TTC7A: variants seen among roughly 807,000 people sequenced by gnomAD.
TTC7A encodes the protein tetratricopeptide repeat protein 7A.
A neutral mutation model predicts 103.7 loss-of-function variants in TTC7A; 110 were observed. The ratio of observed to expected loss-of-function variants is 1.06; its 90% CI spans 0.91 to 1.24. The LOEUF (loss-of-function observed/expected upper bound fraction) is 1.24. Among genes scored for constraint, TTC7A ranks in the 50% most tolerant of loss-of-function variants. The pLI, the probability that TTC7A is intolerant of heterozygous loss-of-function variation, is 0.00. For missense variants in TTC7A, 1,340 were observed against 1,116.3 expected, an observed-to-expected ratio of 1.20 and a Z score of -2.86; for synonymous variants, 521 against 467.9, an observed-to-expected ratio of 1.11 and a Z score of -1.47.
intron 3 of TTC7A, among the ~76,000 whole-genome samples, chr2:46,959,988 T>A (rs1249303912): frequency 2.0e-5 from 3 of 152,112 alleles, no homozygotes; most frequent in African/African-American, 7.2e-5. Flanking sequence ...GATAGAAAAA[T>A]AAGACAACTT....
intron 19 of TTC7A, among the ~76,000 whole-genome samples, chr2:47,068,876 AAAAAAAAAAAAG>A (rs1442226376): frequency 5.3e-5 from 6 of 113,168 alleles, no homozygotes; most frequent in African/African-American, 2.2e-4. Context: ...AAAAAAAAAA[AAAAAAAAAAAAG>A]AAAGACTCAC....
chr2:47,023,485 C>T lies in TTC7A; in HGVS notation c.1568+20C>T, dbSNP rs201570191. ...GGAGAGGTGAGGAGGCTCCCACCTG[C>T]AGCAGAGGCCCCTCTTGCCTTTGGT... On this transcript the variant is annotated intron_variant, in intron 13 of 19. Transcript: ENST00000319190. 8 of 1,613,464 alleles carry T rather than the reference C, an allele frequency of 5.0e-6. No individual in the cohort carries two copies. Among genetic ancestry groups the T allele is most frequent in the Non-Finnish European group, 6.8e-6 (8 of 1,179,444 alleles).
intron 2 of TTC7A, among the ~76,000 whole-genome samples, chr2:46,926,425 A>G (rs763284918): frequency 7.2e-5 from 11 of 152,194 alleles, no homozygotes; most frequent in Admixed American, 6.5e-4. Flanking sequence ...CCAGGTCGCC[A>G]TGGGAGCACA....
At chr2:47,002,932 C>G (rs1442416547) in intron 8 of TTC7A, among the ~76,000 whole-genome samples, 1 of 152,166 alleles carries the variant, frequency 6.6e-6, no homozygotes, top group Non-Finnish European at 1.5e-5. Context: ...CCCCAGGGAG[C>G]CTTCCTGGCT....
chr2:46,963,010 A>G (rs912089561), intron 3 of TTC7A, among the ~76,000 whole-genome samples: 3 of 152,236 alleles, frequency 2.0e-5, no homozygotes, highest in Non-Finnish European at 4.4e-5. Context: ...CCATGGATCT[A>G]GATCCAGGCC....
At chr2:46,994,219 T>G in intron 6 of TTC7A, 138 bp from the exon 7 acceptor site, 2 of 972,330 alleles carry the variant, frequency 2.1e-6, no homozygotes, top group South Asian at 1.7e-5. Flanking sequence ...TCCTTGGGAG[T>G]GGGGTTGGGG....
intron 8 of TTC7A, among the ~76,000 whole-genome samples, chr2:47,005,688 C>T (rs1457001010): frequency 6.6e-6 from 1 of 152,164 alleles, no homozygotes; most frequent in African/African-American, 2.4e-5. Context: ...AGAAGCTTGA[C>T]CCCTCAGAAC....
At position 47,051,849 on chromosome 2, in the gene TTC7A, G is replaced by T. The variant is rs1303581228; in HGVS notation, c.2121G>T (p.Trp707Cys). Residue 707 changes from tryptophan (W) to cysteine (C), a missense_variant, in exon 18 of 20, where the codon TGG becomes TGT. By Grantham distance (215) the Trp-to-Cys change is radical (BLOSUM62 -2). Coordinates refer to ENST00000319190, the MANE Select transcript of TTC7A (RefSeq NM_020458.4). Reference protein sequence around the residue: ...SVLKQGPMQLWTTLEQIWLQA... With the variant: ...SVLKQGPMQLCTTLEQIWLQA... Reference sequence around the variant, plus strand: ...TGAAGCAGGGCCCCATGCAGCTGTGGACCACGCTGGAACAGATCTGGCTGC... The same window carrying T: ...TGAAGCAGGGCCCCATGCAGCTGTGTACCACGCTGGAACAGATCTGGCTGC... 6.2e-7 allele frequency: 1 copy of T among 1,611,942 alleles called. No individual in the cohort carries two copies. Among genetic ancestry groups the T allele is most frequent in the African/African-American group, 1.3e-5 (1 of 75,000 alleles).
intron 5 of TTC7A, among the ~76,000 whole-genome samples, chr2:46,987,946 A>T (rs1039727497): frequency 3.9e-5 from 6 of 152,090 alleles, no homozygotes; most frequent in South Asian, 2.1e-4. Flanking sequence ...GAGGGGTTCC[A>T]TCAGTAATTT....
chr2:47,049,295 T>C (rs963303124), intron 16 of TTC7A, among the ~76,000 whole-genome samples: 1 of 152,148 alleles, frequency 6.6e-6, no homozygotes, highest in Non-Finnish European at 1.5e-5. Context: ...GGGCTTAAGC[T>C]GGAGGCTATT....
intron 5 of TTC7A, among the ~76,000 whole-genome samples, chr2:46,986,889 A>G (rs1482351160): frequency 6.6e-6 from 1 of 152,126 alleles, no homozygotes; most frequent in Non-Finnish European, 1.5e-5. Context: ...CTTTCCTTGG[A>G]GCTTCAGGAA....
At chr2:47,041,653 T>C (rs1049091969) in intron 15 of TTC7A, among the ~76,000 whole-genome samples, 3 of 151,174 alleles carry the variant, frequency 2.0e-5, no homozygotes, top group Non-Finnish European at 4.4e-5. Context: ...CTCAGGAGGC[T>C]GAGGCAGGAG....
Position 46,956,901 on chromosome 2 carries a change from C to G in TTC7A, c.411C>G (p.Tyr137Ter). The G allele has an allele frequency of 6.2e-7, 1 of 1,614,212 alleles. No homozygotes were observed. The highest frequency in any genetic ancestry group is 1.1e-5 in the South Asian group (1 of 91,084). Residue 137 changes from tyrosine (Y) to a stop codon, truncating the protein, a stop_gained, in exon 3 of 20, where the codon TAC (tyrosine) becomes TAG (stop). Transcript: ENST00000319190. LOFTEE classifies it high-confidence loss of function. ...AACTGCATTACGTGGAGGGCTCATA[C>G]CGAGATGCCATCAGCATGTACGCAC... ...LGKLHYVEGS[Y>*]RDAISMYARA...
At chr2:46,995,267 A>G (rs1572850274) in intron 8 of TTC7A, 68 bp downstream of exon 8, 1 of 1,527,804 alleles carries the variant, frequency 6.5e-7, no homozygotes, top group South Asian at 1.1e-5. Flanking sequence ...TGTGGGGCCC[A>G]GGTACAGGCC....
intron 2 of TTC7A, among the ~76,000 whole-genome samples, chr2:46,955,110 A>T (rs1671730992): frequency 6.6e-6 from 1 of 152,222 alleles, no homozygotes; most frequent in Non-Finnish European, 1.5e-5. Flanking sequence ...TCCAAAGAAA[A>T]GTTCAAAGCT....
intron 2 of TTC7A, chr2:46,917,424 T>G: frequency 1.8e-6 from 1 of 564,456 alleles, no homozygotes; most frequent in South Asian, 2.3e-5. Context: ...ATCCATCTCT[T>G]CATCCATTCA....
At chr2:47,039,414 G>A (rs1681496315) in intron 15 of TTC7A, among the ~76,000 whole-genome samples, 4 of 152,206 alleles carry the variant, frequency 2.6e-5, no homozygotes, top group East Asian at 1.9e-4. Context: ...GTGTGCTGGG[G>A]TGAGCAGCCA....
chr2:46,918,064 C>G lies in TTC7A; in HGVS notation c.82+787C>G, dbSNP rs1297896084. ...CCAAAATATGTCTCTCTGACAATGACCTCTCTGTGTAATTCCTGGCTCCTG... is the reference window on the plus strand; with the variant it reads ...CCAAAATATGTCTCTCTGACAATGAGCTCTCTGTGTAATTCCTGGCTCCTG... On this transcript the variant is annotated intron_variant, in intron 2 of 20. Transcript: ENST00000409245. 2.0e-5 allele frequency among the ~76,000 whole-genome samples: 3 copies of G among 152,114 alleles called. No individual in the cohort carries two copies. The East Asian group carries it at 5.8e-4, about 29-fold the overall frequency.
intron 8 of TTC7A, among the ~76,000 whole-genome samples, chr2:47,003,013 C>T (rs968473335): frequency 9.8e-5 from 15 of 152,302 alleles, no homozygotes; most frequent in Admixed American, 7.2e-4. Flanking sequence ...TGCTAGTATG[C>T]TCCTCTCTTC....
Sources: allele counts gnomAD v4.1 joint callset (sites outside exome capture counted in the v4.1 genomes callset), GRCh38; gene constraint gnomAD v4.1.1; transcripts MANE v1.5; gene names NCBI Gene and HGNC (gene_info 2026-07-23, HGNC 2026-07-21).